Variants in PPA2 observed in about 807,000 individuals in gnomAD.
PPA2 encodes inorganic pyrophosphatase 2.
PPA2 carries 48 observed loss-of-function variants against 49.5 expected under a neutral mutation model. The ratio of observed to expected loss-of-function variants is 0.97; its 90% CI spans 0.77 to 1.23. PPA2 has a LOEUF of 1.23. Among genes scored for constraint, PPA2 ranks in the 50% most tolerant of loss-of-function variants. PPA2 has a pLI of 0.00. For synonymous variants in PPA2, 131 were observed against 139.9 expected, an observed-to-expected ratio of 0.94 and a Z score of 0.45; for missense variants, 429 against 410.1, an observed-to-expected ratio of 1.05 and a Z score of -0.40.
intron 5 of PPA2, among the ~76,000 whole-genome samples, chr4:105,444,537 G>A (rs1018538052): frequency 1.3e-4 from 20 of 152,128 alleles, no homozygotes; most frequent in African/African-American, 3.4e-4. Context: ...AAGAACTACC[G>A]TACCTGCCAG....
chr4:105,461,925 G>C (rs894840228), intron 1 of PPA2, among the ~76,000 whole-genome samples: 2 of 152,162 alleles, frequency 1.3e-5, no homozygotes, highest in African/African-American at 4.8e-5. Context: ...AGCACTGTTA[G>C]AAAACTGAAC....
At chr4:105,441,724 T>C (rs948041509) in intron 5 of PPA2, among the ~76,000 whole-genome samples, 3 of 152,130 alleles carry the variant, frequency 2.0e-5, no homozygotes, top group African/African-American at 7.2e-5. Flanking sequence ...GAAAAGATGA[T>C]TATAAAGCTA....
At chr4:105,387,231 G>A (rs967337104) in intron 9 of PPA2, among the ~76,000 whole-genome samples, 1 of 152,070 alleles carries the variant, frequency 6.6e-6, no homozygotes, top group South Asian at 2.1e-4. Flanking sequence ...ATTACATACT[G>A]CCACTCTCTA....
At chr4:105,456,644 T>C in intron 2 of PPA2, 37 bp downstream of exon 2, 1 of 1,504,478 alleles carries the variant, frequency 6.6e-7, no homozygotes, top group Non-Finnish European at 9.1e-7. Context: ...ATACTGGCAG[T>C]ACACGTTTTC....
chr4:105,373,910 T>C (rs1733133247), intron 10 of PPA2, among the ~76,000 whole-genome samples: 1 of 152,034 alleles, frequency 6.6e-6, no homozygotes, highest in Non-Finnish European at 1.5e-5. Flanking sequence ...TCAGTAATAA[T>C]GGATTCATGA....
intron 7 of PPA2, chr4:105,406,001 CA>C (rs1291112419): frequency 8.6e-6 from 2 of 231,224 alleles, no homozygotes; most frequent in Non-Finnish European, 1.8e-5. Flanking sequence ...GTGACCTATG[CA>C]AACAAGAATT....
chr4:105,375,921 T>C (rs557162358), intron 10 of PPA2, among the ~76,000 whole-genome samples: 1 of 152,336 alleles, frequency 6.6e-6, no homozygotes, highest in Admixed American at 6.5e-5. Flanking sequence ...ATTAATTGGT[T>C]ATTTTCTTAT....
At chr4:105,425,260 A>T (rs1723440015) in intron 6 of PPA2, among the ~76,000 whole-genome samples, 1 of 152,210 alleles carries the variant, frequency 6.6e-6, no homozygotes, top group Non-Finnish European at 1.5e-5. Flanking sequence ...CAACAGAAAC[A>T]TTTCCAGAAA....
At chr4:105,443,311 C>A (rs1005783566) in intron 5 of PPA2, among the ~76,000 whole-genome samples, 2 of 151,806 alleles carry the variant, frequency 1.3e-5, no homozygotes, top group African/African-American at 4.8e-5. Context: ...GTGCTTTGAG[C>A]ACCAGAGTGC....
chr4:105,450,445 C>T (rs933356796), intron 3 of PPA2, among the ~76,000 whole-genome samples: 71 of 151,326 alleles, frequency 4.7e-4, no homozygotes, highest in Non-Finnish European at 2.8e-4. Context: ...AGCATGATCT[C>T]GGCTCACTGC....
intron 10 of PPA2, among the ~76,000 whole-genome samples, chr4:105,385,908 C>A (rs1206566910): frequency 7.2e-6 from 1 of 138,956 alleles, no homozygotes; most frequent in Admixed American, 7.7e-5. Context: ...GAGACAGAGT[C>A]TCACTCTGTC....
chr4:105,443,977 C>T (rs1724493040), intron 5 of PPA2, among the ~76,000 whole-genome samples: 1 of 152,174 alleles, frequency 6.6e-6, no homozygotes. Context: ...GTCCCATTCC[C>T]TGCTTAACTT....
chr4:105,422,593 A>G (rs73836206), intron 7 of PPA2, among the ~76,000 whole-genome samples: 2,099 of 152,074 alleles, frequency 0.014, 49 homozygotes, highest in African/African-American at 0.046. Flanking sequence ...TTGGTATAAT[A>G]TTATAGATGG....
In PPA2 at chr4:105,386,604, C is replaced by T. The variant is rs146599366; in HGVS notation, c.902G>A (p.Arg301His). The change falls in exon 10 of 12, where the codon CGT becomes CAT. Residue 301 changes from arginine to histidine, a missense_variant. By Grantham distance (29) the Arg-to-His change is conservative. Transcript: ENST00000341695. Reference protein sequence around the residue: ...TNVQISDSPFRCTQEEARSLV... With the variant: ...TNVQISDSPFHCTQEEARSLV... ...TGATCTTGCTTCCTCTTGAGTGCAACGGAAAGGGCTATCAGATATCTGCAC... is the reference window on the plus strand; with the variant it reads ...TGATCTTGCTTCCTCTTGAGTGCAATGGAAAGGGCTATCAGATATCTGCAC... 51 of 1,612,308 alleles carry T rather than the reference C, an allele frequency of 3.2e-5. No individual in the cohort carries two copies. The highest frequency in any genetic ancestry group is 2.2e-4 in the South Asian group (20 of 91,030).
At chr4:105,468,640 T>C (rs1286175030) in intron 1 of PPA2, among the ~76,000 whole-genome samples, 2 of 152,204 alleles carry the variant, frequency 1.3e-5, no homozygotes, top group Non-Finnish European at 2.9e-5. Context: ...GGGAACTCTG[T>C]GTTCCCACAG....
At chr4:105,458,002 C>T (rs1159662448) in intron 1 of PPA2, among the ~76,000 whole-genome samples, 1 of 152,150 alleles carries the variant, frequency 6.6e-6, no homozygotes, top group East Asian at 1.9e-4. Context: ...CAACCAAGTG[C>T]TCAAACATCA....
At chr4:105,411,876 C>T (rs940642276) in intron 7 of PPA2, among the ~76,000 whole-genome samples, 1 of 152,126 alleles carries the variant, frequency 6.6e-6, no homozygotes, top group African/African-American at 2.4e-5. Context: ...AGGAATCCAA[C>T]TTACAAGGGA....
chr4:105,473,580 G>T (rs761484062), intron 1 of PPA2: 39 of 568,768 alleles, frequency 6.9e-5, no homozygotes, highest in South Asian at 3.9e-4. Flanking sequence ...CCGCCGCGGG[G>T]TGGCCGCTTG....
intron 10 of PPA2, among the ~76,000 whole-genome samples, chr4:105,373,009 GT>G (rs1733090027): frequency 6.6e-6 from 1 of 152,006 alleles, no homozygotes; most frequent in South Asian, 2.1e-4. Flanking sequence ...TTATCTTTTT[GT>G]TTGTTTGTTT....
Sources: allele counts gnomAD v4.1 joint callset (sites outside exome capture counted in the v4.1 genomes callset), GRCh38; gene constraint gnomAD v4.1.1; transcripts MANE v1.5; gene names NCBI Gene and HGNC (gene_info 2026-07-23, HGNC 2026-07-21).